Variants in CDIP1 observed in about 807,000 individuals in gnomAD.
CDIP1 encodes the protein cell death inducing p53 target 1, also known as cell death-inducing p53-target protein 1.
CDIP1 carries 9 observed loss-of-function variants against 17.7 expected under a neutral mutation model. The ratio of observed to expected loss-of-function variants is 0.51; its 90% CI spans 0.31 to 0.89. The LOEUF (loss-of-function observed/expected upper bound fraction) is 0.89, where lower values mean the gene tolerates loss of function less well. Among genes scored for constraint, CDIP1 ranks in the 40% least tolerant of loss-of-function variants. CDIP1 has a pLI of 0.05. For synonymous variants in CDIP1, 117 were observed against 109.5 expected (o/e 1.07, Z -0.43); for missense variants, 263 against 277.9 (o/e 0.95, Z 0.38).
intron 1 of CDIP1, among the ~76,000 whole-genome samples, chr16:4,528,469 G>A (rs909363924): frequency 6.6e-6 from 1 of 152,088 alleles, no homozygotes; most frequent in Non-Finnish European, 1.5e-5. Flanking sequence ...TACTGATGTG[G>A]AGTTTCTAGT....
intron 1 of CDIP1, among the ~76,000 whole-genome samples, chr16:4,529,012 C>G (rs970466968): frequency 2.4e-4 from 37 of 151,880 alleles, no homozygotes; most frequent in African/African-American, 8.5e-4. Context: ...ATATACTACT[C>G]CTCATACTCC....
intron 1 of CDIP1, chr16:4,538,322 T>C (rs1418489610): frequency 6.6e-6 from 1 of 152,258 alleles, no homozygotes; most frequent in Non-Finnish European, 1.5e-5. Flanking sequence ...GGCCCCGCTT[T>C]ACCTCCAGAA....
At chr16:4,534,142 G>T (rs1469449135) in intron 1 of CDIP1, among the ~76,000 whole-genome samples, 1 of 151,870 alleles carries the variant, frequency 6.6e-6, no homozygotes, top group Admixed American at 6.6e-5. Context: ...GTAGAGGCGG[G>T]GTTTCACCAT....
At chr16:4,527,591 T>C (rs57917522) in intron 1 of CDIP1, among the ~76,000 whole-genome samples, 1,734 of 152,308 alleles carry the variant, frequency 0.011, 36 homozygotes, top group African/African-American at 0.04. Context: ...CACAGCATAG[T>C]GGATCAGTAC....
At chr16:4,529,909 G>A (rs1055414186) in intron 1 of CDIP1, among the ~76,000 whole-genome samples, 3 of 152,230 alleles carry the variant, frequency 2.0e-5, no homozygotes, top group Admixed American at 6.5e-5. Flanking sequence ...CTTAGCCAGG[G>A]AGCTGGGCTC....
intron 1 of CDIP1, among the ~76,000 whole-genome samples, chr16:4,518,655 G>C (rs1180520691): frequency 6.6e-6 from 1 of 152,184 alleles, no homozygotes; most frequent in East Asian, 1.9e-4. Flanking sequence ...AACAGCTCAT[G>C]AAGATTTCCC....
chr16:4,519,193 G>A (rs1444892669), intron 1 of CDIP1, among the ~76,000 whole-genome samples: 1 of 152,148 alleles, frequency 6.6e-6, no homozygotes, highest in Non-Finnish European at 1.5e-5. Context: ...GGCATGTGAA[G>A]GTGTGGAGAA....
At chr16:4,536,485 A>G (rs184424373) in intron 1 of CDIP1, 2 of 152,320 alleles carry the variant, frequency 1.3e-5, no homozygotes, top group African/African-American at 4.8e-5. Flanking sequence ...ACTAGCTTCA[A>G]TTATTGCCAA....
At chr16:4,517,751 A>C (rs13330016) in intron 1 of CDIP1, among the ~76,000 whole-genome samples, 16,639 of 54,168 alleles carry the variant, frequency 0.31, 1,880 homozygotes, top group African/African-American at 0.38. Flanking sequence ...AAAAAACAAA[A>C]AAAAAAAAAA....
chr16:4,515,407 G>A (rs1041636683), intron 1 of CDIP1, among the ~76,000 whole-genome samples: 2 of 152,190 alleles, frequency 1.3e-5, no homozygotes, highest in African/African-American at 2.4e-5. Context: ...TATGACCTTC[G>A]ATTAGGCAGT....
chr16:4,538,425 C>A (rs2059133379), intron 1 of CDIP1: 1 of 152,570 alleles, frequency 6.6e-6, no homozygotes, highest in South Asian at 2.1e-4. Flanking sequence ...CGGCTTTGCG[C>A]GCACAACGAA....
chr16:4,532,449 T>G (rs1251010227), intron 1 of CDIP1: 1 of 152,278 alleles, frequency 6.6e-6, no homozygotes, highest in African/African-American at 2.4e-5. Flanking sequence ...AGGGCTGCAG[T>G]TGTCACCAGG....
chr16:4,535,241 C>G (rs947394384), intron 1 of CDIP1, among the ~76,000 whole-genome samples: 15 of 152,172 alleles, frequency 9.9e-5, no homozygotes. Context: ...CAGGAAGACC[C>G]TCAGTGTTTA....
Position 4,521,928 on chromosome 16 carries a change from A to G in CDIP1, c.-104-7264T>C, listed in dbSNP as rs1191147772. 2.0e-5 allele frequency among the ~76,000 whole-genome samples: 3 copies of G among 152,200 alleles called. No individual in the cohort carries two copies. The East Asian group carries it at 5.8e-4, about 29-fold the overall frequency. On this transcript the variant is annotated intron_variant, in intron 1 of 5. Transcript: ENST00000567695. ...GCTGGGCCTAGCACACAATGACGCTAAATAAATGGAAACTGCTATTATTAT... is the reference window on the plus strand; with the variant it reads ...GCTGGGCCTAGCACACAATGACGCTGAATAAATGGAAACTGCTATTATTAT...
intron 1 of CDIP1, among the ~76,000 whole-genome samples, chr16:4,521,690 T>C (rs2058950388): frequency 8.0e-6 from 1 of 125,732 alleles, no homozygotes; most frequent in South Asian, 2.8e-4. Context: ...TGGCAAGACG[T>C]CATCAATATT....
intron 1 of CDIP1, among the ~76,000 whole-genome samples, chr16:4,532,050 T>C (rs1409391796): frequency 1.3e-5 from 2 of 152,240 alleles, no homozygotes; most frequent in Admixed American, 6.5e-5. Flanking sequence ...GTTTGACTTA[T>C]GAGGTCTTTG....
chr16:4,513,669 C>T lies in CDIP1; in HGVS notation c.241+27G>A, dbSNP rs1314469284. 1 of 1,601,518 alleles carries T rather than the reference C, an allele frequency of 6.2e-7. No homozygotes were observed. The highest frequency in any genetic ancestry group is 1.3e-5 in the African/African-American group (1 of 74,692). Reference sequence around the variant, plus strand: ...AGACAGCAGCCAGGAGTTCCCCATGCTCCCCTCAGATCCCTTCCCCACTCA... The same window carrying T: ...AGACAGCAGCCAGGAGTTCCCCATGTTCCCCTCAGATCCCTTCCCCACTCA... On this transcript the variant is annotated intron_variant, in intron 4 of 5. Transcript: ENST00000567695. This position sits in a 1 kb window ranked among gnomAD's most constrained non-coding sequence, Gnocchi z 4.1.
intron 1 of CDIP1, among the ~76,000 whole-genome samples, chr16:4,537,426 C>T (rs2059119660): frequency 6.6e-6 from 1 of 152,224 alleles, no homozygotes; most frequent in Non-Finnish European, 1.5e-5. Flanking sequence ...GCACGCCTCC[C>T]TCCACCCAGT....
Position 4,513,085 on chromosome 16 carries a change from G to A in CDIP1, c.242-21C>T, listed in dbSNP as rs1460681065. On this transcript the variant is annotated intron_variant, in intron 4 of 5. Transcript: ENST00000567695. The surrounding 1 kb of genome is among the most constrained non-coding windows in gnomAD (Gnocchi z 4.1). Reference sequence around the variant, plus strand: ...GAAACCTGGAATGGCACAGAAGATGGAGGCGAGAGGTCACTGGCCTGCCAC... The same window carrying A: ...GAAACCTGGAATGGCACAGAAGATGAAGGCGAGAGGTCACTGGCCTGCCAC... 4.5e-6 allele frequency: 7 copies of A among 1,564,284 alleles called. No homozygotes were observed. The highest frequency in any genetic ancestry group is 1.9e-5 in the Admixed American group (1 of 52,786).
Sources: allele counts gnomAD v4.1 joint callset (sites outside exome capture counted in the v4.1 genomes callset), GRCh38; gene constraint gnomAD v4.1.1; non-coding constraint Gnocchi (gnomAD v3.1); transcripts MANE v1.5; gene names NCBI Gene and HGNC (gene_info 2026-07-23, HGNC 2026-07-21).